Variants in PRKG2 observed in about 807,000 individuals in gnomAD.
PRKG2 encodes the protein protein kinase cGMP-dependent 2.
A neutral mutation model predicts 97.2 loss-of-function variants in PRKG2; 33 were observed. The observed-to-expected ratio is 0.34, with a 90% CI of 0.26 to 0.45. The LOEUF (loss-of-function observed/expected upper bound fraction) is 0.45. Ranked by LOEUF, PRKG2 falls within the 20% of genes least tolerant of loss-of-function variation. The pLI, the probability that PRKG2 is intolerant of heterozygous loss-of-function variation, is 1.00. For missense variants in PRKG2, 638 were observed against 900.0 expected (o/e 0.71, Z 3.73); for synonymous variants, 330 against 321.8 (o/e 1.03, Z -0.27).
At chr4:81,100,730 C>T (rs1199371956) in intron 17 of PRKG2, among the ~76,000 whole-genome samples, 1 of 152,140 alleles carries the variant, frequency 6.6e-6, no homozygotes, top group Non-Finnish European at 1.5e-5. Flanking sequence ...TCTAATTAAA[C>T]TAAAGAGCTT....
Position 81,138,636 on chromosome 4 carries a change from T to C in PRKG2, c.1545-1154A>G, listed in dbSNP as rs76625405. Among the ~76,000 whole-genome samples, 316 of 152,292 alleles carry C rather than the reference T, an allele frequency of 2.1e-3. 2 individuals are homozygous for C. Among genetic ancestry groups the C allele is most frequent in the Non-Finnish European group, 4.0e-3 (270 of 68,014 alleles). On this transcript the variant is annotated intron_variant, in intron 12 of 18. Coordinates refer to ENST00000264399, the MANE Select transcript of PRKG2 (RefSeq NM_006259.3). ...TAAATGTGTTGATTATCTATACATA[T>C]AGATATAGCTTAGAACAGCACCTGG...
intron 14 of PRKG2, among the ~76,000 whole-genome samples, chr4:81,129,796 CTG>C (rs1215452104): frequency 6.6e-6 from 1 of 152,112 alleles, no homozygotes; most frequent in African/African-American, 2.4e-5. Flanking sequence ...ATTTGCCACT[CTG>C]TGTCTTTTAA....
chr4:81,196,852 A>AAG (rs3042626), intron 2 of PRKG2, among the ~76,000 whole-genome samples: 58,474 of 151,918 alleles, frequency 0.38, 14,688 homozygotes, highest in African/African-American at 0.7. Context: ...AGTCAGCAGA[A>AAG]AGAAGACAAA....
chr4:81,099,665 C>G (rs1195558080), intron 17 of PRKG2, among the ~76,000 whole-genome samples: 1 of 152,062 alleles, frequency 6.6e-6, no homozygotes, highest in Non-Finnish European at 1.5e-5. Context: ...GACAGGGATG[C>G]CCTCTCTCAC....
At chr4:81,116,014 ACTCT>A (rs1744478233) in intron 14 of PRKG2, among the ~76,000 whole-genome samples, 1 of 151,872 alleles carries the variant, frequency 6.6e-6, no homozygotes, top group Non-Finnish European at 1.5e-5. Context: ...ACTATACTAA[ACTCT>A]CTATTTGAAT....
chr4:81,135,435 TACTACCCATGAATTAAGC>T, intron 13 of PRKG2, 139 bp from the exon 14 acceptor site: 9 of 811,490 alleles, frequency 1.1e-5, no homozygotes, highest in Non-Finnish European at 1.6e-5. Flanking sequence ...ATGTATTTTA[TACTACCCATGAATTAAGC>T]TGTTTGCAGA....
At chr4:81,186,039 C>T (rs1023146551) in intron 2 of PRKG2, among the ~76,000 whole-genome samples, 1 of 152,076 alleles carries the variant, frequency 6.6e-6, no homozygotes, top group Admixed American at 6.5e-5. Context: ...CTTCAACGCC[C>T]CACTGTCAAT....
chr4:81,106,168 T>C (rs1433932148), intron 15 of PRKG2, among the ~76,000 whole-genome samples: 2 of 152,078 alleles, frequency 1.3e-5, no homozygotes, highest in Non-Finnish European at 2.9e-5. Context: ...TGGTCATGTG[T>C]CGATAATCAC....
intron 2 of PRKG2, among the ~76,000 whole-genome samples, chr4:81,179,159 A>C (rs1751191000): frequency 6.6e-6 from 1 of 152,008 alleles, no homozygotes; most frequent in Non-Finnish European, 1.5e-5. Flanking sequence ...AAGAAAAAAG[A>C]GTTAGCTTAA....
At chr4:81,114,988 C>T (rs1744363729) in intron 14 of PRKG2, among the ~76,000 whole-genome samples, 2 of 152,026 alleles carry the variant, frequency 1.3e-5, no homozygotes, top group South Asian at 4.1e-4. Context: ...ATTTTCACTG[C>T]TGTATTATAA....
intron 2 of PRKG2, among the ~76,000 whole-genome samples, chr4:81,176,623 A>C (rs10003341): frequency 0.24 from 36,334 of 152,096 alleles, 8,460 homozygotes; most frequent in African/African-American, 0.59. Context: ...AATTTTCCAA[A>C]GTATGTTCCA....
At chr4:81,132,054 T>C (rs1410386290) in intron 14 of PRKG2, among the ~76,000 whole-genome samples, 1 of 152,126 alleles carries the variant, frequency 6.6e-6, no homozygotes, top group Non-Finnish European at 1.5e-5. Context: ...AATCCATGAA[T>C]ATAGTATATC....
At chr4:81,137,365 G>C in intron 13 of PRKG2, 28 bp downstream of exon 13, 1 of 1,493,584 alleles carries the variant, frequency 6.7e-7, no homozygotes, top group Non-Finnish European at 9.3e-7. Flanking sequence ...CCTTAGGCCA[G>C]ATGTGAGTAT....
intron 14 of PRKG2, among the ~76,000 whole-genome samples, chr4:81,127,845 T>C (rs1745756447): frequency 6.6e-6 from 1 of 152,238 alleles, no homozygotes; most frequent in Non-Finnish European, 1.5e-5. Flanking sequence ...CTGATTGCCC[T>C]GGCCAGAACT....
At chr4:81,116,388 G>C (rs1744523998) in intron 14 of PRKG2, among the ~76,000 whole-genome samples, 1 of 152,134 alleles carries the variant, frequency 6.6e-6, no homozygotes, top group African/African-American at 2.4e-5. Flanking sequence ...TGTTTGTGTA[G>C]TATTCCATGT....
chr4:81,203,719 T>C (rs1234949130), intron 2 of PRKG2, among the ~76,000 whole-genome samples: 1 of 151,252 alleles, frequency 6.6e-6, no homozygotes, highest in East Asian at 1.9e-4. Context: ...TACACACACA[T>C]GTGTGCGCAC....
intron 14 of PRKG2, among the ~76,000 whole-genome samples, chr4:81,129,816 A>ATTTAGCTTGT (rs1363787929): frequency 6.6e-6 from 1 of 152,122 alleles, no homozygotes; most frequent in Non-Finnish European, 1.5e-5. Flanking sequence ...TAATTGGGGC[A>ATTTAGCTTGT]TTTAGCTTGT....
intron 13 of PRKG2, among the ~76,000 whole-genome samples, chr4:81,137,168 T>C (rs758097549): frequency 2.0e-5 from 3 of 152,116 alleles, no homozygotes; most frequent in Non-Finnish European, 4.4e-5. Flanking sequence ...TCACCTCCTC[T>C]CTAGTCTGGG....
chr4:81,135,410 G>T (rs1746587075), intron 13 of PRKG2, 114 bp from the exon 14 acceptor site: 4 of 1,088,964 alleles, frequency 3.7e-6, no homozygotes, highest in African/African-American at 1.6e-5. Context: ...TATTTTGCAG[G>T]GTATCAACAA....
Sources: gnomAD v4.1 joint callset for allele counts (sites outside exome capture counted in the v4.1 genomes callset) on GRCh38, gnomAD v4.1.1 for gene constraint, MANE v1.5 for transcripts, NCBI Gene and HGNC (gene_info 2026-07-23, HGNC 2026-07-21) for gene names.